The following NLGN1 variants were observed in gnomAD, a reference collection of about 807,000 sequenced individuals.
NLGN1 encodes the protein neuroligin 1, also known as neuroligin-1.
A neutral mutation model predicts 65.5 loss-of-function variants in NLGN1; 12 were observed. That is an observed-to-expected ratio of 0.18 (90% confidence interval 0.12 to 0.30). The LOEUF (loss-of-function observed/expected upper bound fraction) is 0.30, where lower values mean the gene tolerates loss of function less well. Among genes scored for constraint, NLGN1 ranks in the 10% least tolerant of loss-of-function variants. The pLI, the probability that NLGN1 is intolerant of heterozygous loss-of-function variation, is 1.00. For synonymous variants in NLGN1, 350 were observed against 359.5 expected (o/e 0.97, Z 0.30); for missense variants, 750 against 1,007.1 (o/e 0.74, Z 3.46).
chr3:173,542,976 C>T (rs1032304159), intron 2 of NLGN1, among the ~76,000 whole-genome samples: 1 of 152,024 alleles, frequency 6.6e-6, no homozygotes, highest in Non-Finnish European at 1.5e-5. Flanking sequence ...GGTTCCATGT[C>T]TTCAACTTTT....
intron 4 of NLGN1, among the ~76,000 whole-genome samples, chr3:174,086,088 T>G (rs1743172664): frequency 6.6e-6 from 1 of 151,864 alleles, no homozygotes; most frequent in South Asian, 2.1e-4. Context: ...TATTCTTTTC[T>G]GATCATACAT....
chr3:173,830,957 T>C (rs1722433785), intron 4 of NLGN1, among the ~76,000 whole-genome samples: 1 of 152,222 alleles, frequency 6.6e-6, no homozygotes, highest in Non-Finnish European at 1.5e-5. Flanking sequence ...CAATGAAGAA[T>C]ACACTTGACT....
intron 4 of NLGN1, among the ~76,000 whole-genome samples, chr3:174,112,680 T>C (rs997038762): frequency 6.6e-6 from 1 of 151,994 alleles, no homozygotes; most frequent in Non-Finnish European, 1.5e-5. Flanking sequence ...AAATGATGGA[T>C]TCATACAGTA....
intron 2 of NLGN1, among the ~76,000 whole-genome samples, chr3:173,442,583 A>G (rs1719409483): frequency 6.6e-6 from 1 of 152,190 alleles, no homozygotes; most frequent in Non-Finnish European, 1.5e-5. Context: ...TTTAAATTTT[A>G]CACTAGTTTT....
At chr3:173,723,658 A>T (rs954609226) in intron 3 of NLGN1, among the ~76,000 whole-genome samples, 1 of 152,202 alleles carries the variant, frequency 6.6e-6, no homozygotes, top group African/African-American at 2.4e-5. Context: ...TTAATTTTCT[A>T]TATAAAAATA....
At chr3:174,032,707 T>G (rs566946981) in intron 4 of NLGN1, among the ~76,000 whole-genome samples, 1 of 152,208 alleles carries the variant, frequency 6.6e-6, no homozygotes, top group African/African-American at 2.4e-5. Context: ...GTTGATGTCC[T>G]TGTGCCCCCA....
intron 4 of NLGN1, among the ~76,000 whole-genome samples, chr3:174,247,198 C>T (rs1296293970): frequency 6.6e-6 from 1 of 152,140 alleles, no homozygotes; most frequent in African/African-American, 2.4e-5. Flanking sequence ...AGATCAATAT[C>T]AAAGGTTCTT....
intron 5 of NLGN1, 147 bp downstream of exon 5, chr3:174,275,674 G>T: frequency 1.6e-6 from 1 of 618,504 alleles, no homozygotes; most frequent in Non-Finnish European, 2.8e-6. Flanking sequence ...CAGTTTTTCT[G>T]TGCATGTTTA....
chr3:174,084,529 C>T (rs1292873812), intron 4 of NLGN1, among the ~76,000 whole-genome samples: 1 of 151,954 alleles, frequency 6.6e-6, no homozygotes, highest in Admixed American at 6.6e-5. Context: ...AATCTTTGTC[C>T]TCTAAAAATT....
chr3:173,914,557 AT>A (rs1300769190), intron 4 of NLGN1, among the ~76,000 whole-genome samples: 1 of 92,038 alleles, frequency 1.1e-5, no homozygotes, highest in Non-Finnish European at 2.4e-5. Context: ...ACACACACAC[AT>A]ATGTATATAT....
intron 2 of NLGN1, among the ~76,000 whole-genome samples, chr3:173,467,702 C>G (rs1006914849): frequency 6.6e-6 from 1 of 152,148 alleles, no homozygotes; most frequent in Non-Finnish European, 1.5e-5. Flanking sequence ...CACTCCATGA[C>G]ACATAGTCAC....
chr3:173,822,330 G>T (rs548105747), intron 4 of NLGN1, among the ~76,000 whole-genome samples: 11 of 152,146 alleles, frequency 7.2e-5, no homozygotes, highest in Admixed American at 2.0e-4. Flanking sequence ...GATTCCAATG[G>T]CCAAAAGACC....
chr3:173,728,517 C>T (rs1302567221), intron 3 of NLGN1, among the ~76,000 whole-genome samples: 3 of 151,870 alleles, frequency 2.0e-5, no homozygotes, highest in Non-Finnish European at 4.4e-5. Flanking sequence ...AATAGTGCCC[C>T]CCCTCCAACA....
At chr3:173,777,253 C>G (rs1042359240) in intron 3 of NLGN1, among the ~76,000 whole-genome samples, 1 of 151,880 alleles carries the variant, frequency 6.6e-6, no homozygotes, top group Non-Finnish European at 1.5e-5. Context: ...GTTTATATTA[C>G]AATCATGAAA....
At position 174,279,753 on chromosome 3, in the gene NLGN1, C is replaced by A. The variant is rs13093987; in HGVS notation, c.1649+103C>A. On this transcript the variant is annotated intron_variant, in intron 6 of 6. Coordinates refer to ENST00000457714, the Ensembl canonical transcript of NLGN1. This position sits in a 1 kb window ranked among gnomAD's most constrained non-coding sequence, Gnocchi z 4.7. ...CAGATAATGTCATATTGGATTAATA[C>A]CTGCAAGATATTACATTCCTTTATT... 524 of 667,702 alleles carry A rather than the reference C, an allele frequency of 7.8e-4. No individual in the cohort carries two copies. Among genetic ancestry groups the A allele is most frequent in the Non-Finnish European group, 1.2e-3 (474 of 393,660 alleles). The allele number at this position is 667,702 out of a possible 1,614,324, so 41.4% of individuals were successfully genotyped here.
chr3:174,167,678 C>G (rs1347205083), intron 4 of NLGN1, among the ~76,000 whole-genome samples: 1 of 148,652 alleles, frequency 6.7e-6, no homozygotes, highest in Non-Finnish European at 1.5e-5. Context: ...GACTATATGC[C>G]TTGGTGATAT....
intron 3 of NLGN1, among the ~76,000 whole-genome samples, chr3:173,747,781 T>C (rs1343655882): frequency 6.8e-6 from 1 of 146,858 alleles, no homozygotes; most frequent in Non-Finnish European, 1.5e-5. Context: ...AACAAAATTT[T>C]CTTTCTTCTT....
chr3:173,953,274 C>G (rs1748575777), intron 4 of NLGN1, among the ~76,000 whole-genome samples: 1 of 152,072 alleles, frequency 6.6e-6, no homozygotes, highest in Non-Finnish European at 1.5e-5. Context: ...TTATCTAATT[C>G]TTACCAAATC....
chr3:173,640,705 A>G (rs553112707), intron 3 of NLGN1, among the ~76,000 whole-genome samples: 24 of 152,218 alleles, frequency 1.6e-4, no homozygotes, highest in Admixed American at 1.4e-3. Flanking sequence ...TCCATTTACT[A>G]TGTCTTAAAT....
Sources: allele counts gnomAD v4.1 joint callset (sites outside exome capture counted in the v4.1 genomes callset), GRCh38; gene constraint gnomAD v4.1.1; non-coding constraint Gnocchi (gnomAD v3.1); transcripts MANE v1.5; gene names NCBI Gene and HGNC (gene_info 2026-07-23, HGNC 2026-07-21).